Variants in GADL1 observed in about 807,000 individuals in gnomAD.
GADL1 encodes the protein acidic amino acid decarboxylase GADL1.
Under a neutral mutation model 69.5 loss-of-function variants are expected in GADL1, and 71 were observed. The observed-to-expected ratio is 1.02, with a 90% CI of 0.84 to 1.25. The LOEUF is 1.25. Ranked by LOEUF, GADL1 falls within the 50% of genes most tolerant of loss-of-function variation. The probability of loss-of-function intolerance (pLI) is 0.00; values close to 1 mark genes in which losing one functional copy is unlikely to be tolerated. For missense variants in GADL1, 737 were observed against 631.8 expected (o/e 1.17, Z -1.79); for synonymous variants, 254 against 214.4 (o/e 1.18, Z -1.62).
At chr3:30,840,788 C>T (rs1697952843) in intron 8 of GADL1, among the ~76,000 whole-genome samples, 1 of 152,220 alleles carries the variant, frequency 6.6e-6, no homozygotes, top group South Asian at 2.1e-4. Flanking sequence ...TTAACCTAGA[C>T]TTTCTTCCCC....
At chr3:30,807,757 A>G (rs1026338183) in intron 11 of GADL1, among the ~76,000 whole-genome samples, 52 of 152,262 alleles carry the variant, frequency 3.4e-4, no homozygotes, top group African/African-American at 1.3e-3. Context: ...GGCCGGGTGC[A>G]GTAGTGGCTC....
In GADL1 at chr3:30,832,164, T is replaced by C. The variant is rs147420896; in HGVS notation, c.1050+1689A>G. On this transcript the variant is annotated intron_variant, in intron 11 of 14. Coordinates refer to ENST00000282538, the MANE Select transcript of GADL1 (RefSeq NM_207359.3). ...ATTGCCACATCTCATATCTCATGGT[T>C]TAGCTTTCCTATTCCATTTAAATTG... 1.3e-3 allele frequency among the ~76,000 whole-genome samples: 204 copies of C among 152,002 alleles called. 2 individuals are homozygous for C. In the South Asian group the frequency reaches 0.014, roughly 10 times the overall value.
intron 12 of GADL1, chr3:30,798,490 C>T: frequency 6.6e-6 from 1 of 152,116 alleles, no homozygotes; most frequent in East Asian, 1.9e-4. Context: ...GAAACCACCC[C>T]CATGATTCAT....
intron 14 of GADL1, among the ~76,000 whole-genome samples, chr3:30,762,637 TTTAAG>T (rs1696166174): frequency 1.3e-5 from 2 of 152,084 alleles, no homozygotes. Context: ...AACCACACTT[TTTAAG>T]TTATTTAAAA....
chr3:30,838,257 TA>T (rs1243029938), intron 9 of GADL1, among the ~76,000 whole-genome samples: 2 of 152,102 alleles, frequency 1.3e-5, no homozygotes, highest in Non-Finnish European at 2.9e-5. Context: ...AAATTAATTT[TA>T]AAAAAGAAAA....
At chr3:30,815,882 C>T (rs148006569) in intron 11 of GADL1, among the ~76,000 whole-genome samples, 1 of 152,112 alleles carries the variant, frequency 6.6e-6, no homozygotes, top group South Asian at 2.1e-4. Context: ...GCATGGATTG[C>T]GGACTAAGCA....
intron 6 of GADL1, among the ~76,000 whole-genome samples, chr3:30,845,580 T>C (rs531324970): frequency 1.1e-4 from 16 of 152,222 alleles, no homozygotes; most frequent in African/African-American, 2.9e-4. Flanking sequence ...AGAAGTAACA[T>C]CAGGAAAAAT....
At position 30,800,939 on chromosome 3, in the gene GADL1, C is replaced by G; in HGVS notation, c.1200G>C (p.Leu400=). 2 of 1,613,584 alleles carry G rather than the reference C, an allele frequency of 1.2e-6. No homozygotes were observed. Among genetic ancestry groups the G allele is most frequent in the East Asian group, 2.2e-5 (1 of 44,842 alleles). Residue 400 remains leucine (L), a synonymous_variant, in exon 12 of 15, where the codon CTG becomes CTC. Coordinates refer to ENST00000282538, the MANE Select transcript of GADL1 (RefSeq NM_207359.3). ...AFKFWMTWKA[L]GTLGLEERVN... is the part of the protein sequence containing the mutation. ...CTCTTTCTTCAAGGCCTAATGTACC[C>G]AGGGCCTTCCAGGTCATCCAGAACT...
chr3:30,872,197 G>A (rs1238313551), intron 1 of GADL1, among the ~76,000 whole-genome samples: 2 of 151,812 alleles, frequency 1.3e-5, no homozygotes, highest in Admixed American at 6.6e-5. Flanking sequence ...ACTTAACATA[G>A]CCATTTAGTA....
intron 12 of GADL1, among the ~76,000 whole-genome samples, chr3:30,797,146 C>T (rs1175610532): frequency 6.6e-6 from 1 of 152,126 alleles, no homozygotes; most frequent in Non-Finnish European, 1.5e-5. Flanking sequence ...TCTGTCATGG[C>T]CATCTCAAGA....
chr3:30,764,015 CAA>C (rs1033078493), intron 14 of GADL1, among the ~76,000 whole-genome samples: 2 of 152,104 alleles, frequency 1.3e-5, no homozygotes, highest in African/African-American at 4.8e-5. Flanking sequence ...AAACAAACCT[CAA>C]ATCTCTAAAT....
At chr3:30,838,349 C>T (rs931556) in intron 9 of GADL1, among the ~76,000 whole-genome samples, 82,976 of 152,008 alleles carry the variant, frequency 0.55, 26,267 homozygotes, top group African/African-American at 0.88. Flanking sequence ...AAGTTACCTT[C>T]GATTTAAGGA....
chr3:30,890,978 G>T (rs56046118), intron 1 of GADL1, among the ~76,000 whole-genome samples: 7,237 of 152,040 alleles, frequency 0.048, 605 homozygotes, highest in African/African-American at 0.17. Context: ...GGTTAAATCT[G>T]GTATCCAGAG....
chr3:30,780,496 C>T (rs577660531), intron 13 of GADL1, among the ~76,000 whole-genome samples: 4 of 152,260 alleles, frequency 2.6e-5, no homozygotes, highest in Non-Finnish European at 5.9e-5. Flanking sequence ...TCCATTACTC[C>T]AATCCCTTGC....
intron 14 of GADL1, among the ~76,000 whole-genome samples, chr3:30,761,256 A>G (rs1696122872): frequency 8.1e-6 from 1 of 123,772 alleles, no homozygotes; most frequent in Non-Finnish European, 1.8e-5. Flanking sequence ...GAGAATTCTG[A>G]GTCTCCAGGG....
intron 11 of GADL1, among the ~76,000 whole-genome samples, chr3:30,810,893 T>C (rs935676906): frequency 2.0e-5 from 3 of 151,932 alleles, no homozygotes; most frequent in Non-Finnish European, 4.4e-5. Context: ...GCTACAAGGG[T>C]GGGGCTGGAA....
intron 14 of GADL1, among the ~76,000 whole-genome samples, chr3:30,740,601 C>T (rs188101523): frequency 6.6e-6 from 1 of 152,090 alleles, no homozygotes; most frequent in African/African-American, 2.4e-5. Flanking sequence ...CACCTTCCCC[C>T]CAAAGGTCTC....
chr3:30,790,873 A>G (rs1559500735), intron 12 of GADL1, among the ~76,000 whole-genome samples: 1 of 152,270 alleles, frequency 6.6e-6, no homozygotes, highest in East Asian at 1.9e-4. Context: ...TAGCAACATA[A>G]TGTAATATGC....
chr3:30,853,886 T>C (rs1263405060), intron 4 of GADL1, among the ~76,000 whole-genome samples: 4 of 150,240 alleles, frequency 2.7e-5, no homozygotes, highest in Admixed American at 6.6e-5. Context: ...TTTTTAGAGA[T>C]TTTTTCAGTA....
Sources: allele counts gnomAD v4.1 joint callset (sites outside exome capture counted in the v4.1 genomes callset), GRCh38; gene constraint gnomAD v4.1.1; transcripts MANE v1.5; gene names NCBI Gene and HGNC (gene_info 2026-07-23, HGNC 2026-07-21).